RAI14: variants seen among roughly 807,000 people sequenced by gnomAD.
The protein encoded by RAI14 is retinoic acid induced 14, also known as ankycorbin.
RAI14 carries 45 observed loss-of-function variants against 115.4 expected under a neutral mutation model. The ratio of observed to expected loss-of-function variants is 0.39; its 90% confidence interval spans 0.31 to 0.50. The LOEUF is 0.50. Among genes scored for constraint, RAI14 ranks in the 20% least tolerant of loss-of-function variants. The pLI is 0.85. For missense variants in RAI14, 939 were observed against 1,131.2 expected (o/e 0.83, Z 2.44); for synonymous variants, 371 against 415.4 (o/e 0.89, Z 1.30).
intron 4 of RAI14, among the ~76,000 whole-genome samples, chr5:34,802,586 T>G (rs1454717419): frequency 6.6e-6 from 1 of 152,132 alleles, no homozygotes; most frequent in East Asian, 1.9e-4. Context: ...ATTGAGAGCC[T>G]ACTGTGCAGC....
At chr5:34,698,861 G>C (rs974758881) in intron 2 of RAI14, among the ~76,000 whole-genome samples, 2 of 152,180 alleles carry the variant, frequency 1.3e-5, no homozygotes, top group Non-Finnish European at 2.9e-5. Flanking sequence ...ACTAGGGCCA[G>C]GGCTAGGCTG....
intron 2 of RAI14, among the ~76,000 whole-genome samples, chr5:34,751,346 T>G (rs961874717): frequency 6.6e-6 from 1 of 151,964 alleles, no homozygotes. Flanking sequence ...TTTCACCATG[T>G]TGGTCAGGCT....
At chr5:34,788,390 A>G (rs944804780) in intron 3 of RAI14, among the ~76,000 whole-genome samples, 4 of 152,078 alleles carry the variant, frequency 2.6e-5, no homozygotes, top group Non-Finnish European at 5.9e-5. Context: ...ACATTGCCAA[A>G]TGTTCCAAGG....
intron 2 of RAI14, among the ~76,000 whole-genome samples, chr5:34,718,264 A>G (rs1742237450): frequency 6.6e-6 from 1 of 152,246 alleles, no homozygotes; most frequent in Non-Finnish European, 1.5e-5. Flanking sequence ...TCTTGTGGTA[A>G]CACAGTTGTC....
intron 3 of RAI14, among the ~76,000 whole-genome samples, chr5:34,765,429 A>G (rs957595858): frequency 6.6e-6 from 1 of 152,184 alleles, no homozygotes; most frequent in Non-Finnish European, 1.5e-5. Flanking sequence ...TCTCAGATGG[A>G]GATGAGAAAC....
At chr5:34,751,386 G>A (rs911954560) in intron 2 of RAI14, among the ~76,000 whole-genome samples, 2 of 151,962 alleles carry the variant, frequency 1.3e-5, no homozygotes, top group African/African-American at 4.8e-5. Flanking sequence ...CAAGTGATCT[G>A]CCCACCTCGG....
intron 2 of RAI14, among the ~76,000 whole-genome samples, chr5:34,699,754 G>A (rs1739807664): frequency 6.6e-6 from 1 of 152,192 alleles, no homozygotes; most frequent in African/African-American, 2.4e-5. Flanking sequence ...TGCGGAGCCA[G>A]TGTCCTGCCA....
At chr5:34,704,187 A>G (rs542791947) in intron 2 of RAI14, among the ~76,000 whole-genome samples, 1 of 152,336 alleles carries the variant, frequency 6.6e-6, no homozygotes, top group Non-Finnish European at 1.5e-5. Context: ...TTCTTAAACT[A>G]CTGGTTACTA....
At chr5:34,758,323 CT>C (rs1748169653) in intron 3 of RAI14, among the ~76,000 whole-genome samples, 1 of 152,158 alleles carries the variant, frequency 6.6e-6, no homozygotes, top group Non-Finnish European at 1.5e-5. Flanking sequence ...GAAGCAGGCT[CT>C]GAGACAAGGA....
rs182853248 is a variant in RAI14 at position 34,763,205 on chromosome 5, T to A, written c.167+5607T>A. On this transcript the variant is annotated intron_variant, in intron 3 of 17. Transcript: ENST00000265109. ...TCAGTATAGGGATGTATTAGATATT[T>A]TACACCAGCAGTTCAGTCTTGGAAA... is the stretch of plus-strand genomic sequence containing the variant. Among the ~76,000 whole-genome samples the A allele has an allele frequency of 5.9e-5, 9 of 152,258 alleles. No homozygotes were observed. The East Asian group carries it at 1.4e-3, about 23-fold the overall frequency.
chr5:34,747,508 A>G (rs1746439466), intron 2 of RAI14, among the ~76,000 whole-genome samples: 1 of 152,246 alleles, frequency 6.6e-6, no homozygotes, highest in Non-Finnish European at 1.5e-5. Context: ...AGCACTTCAC[A>G]TAGTACATAA....
chr5:34,778,576 T>C (rs1418479872), intron 3 of RAI14, among the ~76,000 whole-genome samples: 1 of 152,048 alleles, frequency 6.6e-6, no homozygotes, highest in Non-Finnish European at 1.5e-5. Context: ...ATAAAATGTT[T>C]TTATACTCTT....
chr5:34,704,960 CT>C (rs1313958853), intron 2 of RAI14, among the ~76,000 whole-genome samples: 1 of 152,054 alleles, frequency 6.6e-6, no homozygotes, highest in Non-Finnish European at 1.5e-5. Context: ...CTGAATTTTT[CT>C]TTATTTCTTT....
chr5:34,696,435 C>T (rs912191950), intron 2 of RAI14, among the ~76,000 whole-genome samples: 15 of 152,182 alleles, frequency 9.9e-5, no homozygotes, highest in African/African-American at 2.7e-4. Context: ...CACGCCCGGC[C>T]GCATTTTACT....
intron 2 of RAI14, among the ~76,000 whole-genome samples, chr5:34,698,643 G>A (rs565719923): frequency 1.3e-5 from 2 of 152,144 alleles, no homozygotes; most frequent in Non-Finnish European, 2.9e-5. Context: ...TAGAGGTGGG[G>A]TGAAGAGACT....
intron 2 of RAI14, among the ~76,000 whole-genome samples, chr5:34,727,054 T>G (rs994190278): frequency 6.6e-6 from 1 of 152,190 alleles, no homozygotes; most frequent in Non-Finnish European, 1.5e-5. Flanking sequence ...CAGGAAGATG[T>G]GGGAAAGTTT....
At chr5:34,776,934 C>T (rs578054789) in intron 3 of RAI14, among the ~76,000 whole-genome samples, 5 of 152,062 alleles carry the variant, frequency 3.3e-5, no homozygotes, top group South Asian at 2.1e-4. Flanking sequence ...TTTGGGAAGC[C>T]GAGGTGGGAG....
rs772875501 is a variant in RAI14, at chr5:34,811,807, G to A, written c.598G>A (p.Ala200Thr). 4.3e-6 allele frequency: 7 copies of A among 1,613,144 alleles called. No individual in the cohort carries two copies. The highest frequency in any genetic ancestry group is 2.2e-5 in the East Asian group (1 of 44,836). Reference protein sequence around the residue: ...MLACEIGSSNAVEALIKKGAD... With the variant: ...MLACEIGSSNTVEALIKKGAD... ...GGCCTGTGAGATTGGCAGCTCTAAC[G>A]CTGTGGAAGCCTTAATTAAAAAGGG... Residue 200 changes from alanine to threonine, a missense_variant, in exon 9 of 18, where the codon GCT becomes ACT. Ala to Thr is a moderately conservative substitution (Grantham distance 58, BLOSUM62 0). Transcript: ENST00000265109.
chr5:34,750,797 CT>C (rs1008128955), intron 2 of RAI14, among the ~76,000 whole-genome samples: 5 of 151,302 alleles, frequency 3.3e-5, no homozygotes, highest in Middle Eastern at 3.4e-3. Context: ...ACCTTCACCC[CT>C]AATCATGACC....
Sources: gnomAD v4.1 joint callset for allele counts (sites outside exome capture counted in the v4.1 genomes callset) on GRCh38, gnomAD v4.1.1 for gene constraint, MANE v1.5 for transcripts, NCBI Gene and HGNC (gene_info 2026-07-23, HGNC 2026-07-21) for gene names.